CFAP77: variants seen among roughly 807,000 people sequenced by gnomAD.
The protein encoded by CFAP77 is cilia and flagella associated protein 77, also known as cilia- and flagella-associated protein 77.
Under a neutral mutation model 31.1 loss-of-function variants are expected in CFAP77, and 25 were observed. The observed-to-expected ratio is 0.80, with a 90% CI of 0.59 to 1.12. The LOEUF (loss-of-function observed/expected upper bound fraction) is 1.12. CFAP77 is among the 50% of genes most tolerant of loss of function. The probability of loss-of-function intolerance (pLI) is 0.00; values close to 1 mark genes in which losing one functional copy is unlikely to be tolerated. For missense variants in CFAP77, 377 were observed against 397.3 expected, an observed-to-expected ratio of 0.95 and a Z score of 0.44; for synonymous variants, 151 against 159.9, an observed-to-expected ratio of 0.94 and a Z score of 0.42.
intron 1 of CFAP77, among the ~76,000 whole-genome samples, chr9:132,477,031 T>C (rs1851356832): frequency 6.6e-6 from 1 of 152,134 alleles, no homozygotes; most frequent in South Asian, 2.1e-4. Flanking sequence ...CCTCCTCTGG[T>C]CTTGGGGCTG....
rs192834588 is a variant in CFAP77, at chr9:132,446,720, G to A, written c.195+36254G>A. The stretch of plus-strand genomic sequence containing the variant: ...CACACCACTGCACTCCAGCCTGGGC[G>A]ACAGAGCAAAACTCCTCCGTCTCAA... On this transcript the variant is annotated intron_variant, in intron 1 of 5. Coordinates refer to ENST00000393216, the MANE Select transcript of CFAP77 (RefSeq NM_001282957.2). Among the ~76,000 whole-genome samples the A allele has an allele frequency of 9.4e-3, 1,218 of 129,378 alleles. 7 individuals carry two copies. The highest frequency in any genetic ancestry group is 0.038 in the Middle Eastern group (7 of 184). The allele number at this position is 129,378 out of a possible 152,430, so 84.9% of individuals were successfully genotyped here.
intron 1 of CFAP77, among the ~76,000 whole-genome samples, chr9:132,416,865 G>A (rs1850110947): frequency 6.6e-6 from 1 of 151,844 alleles, no homozygotes; most frequent in African/African-American, 2.4e-5. Flanking sequence ...CCGAACTCCT[G>A]ACCTCAAGTG....
chr9:132,460,469 G>T (rs1435194027), intron 1 of CFAP77, among the ~76,000 whole-genome samples: 1 of 152,126 alleles, frequency 6.6e-6, no homozygotes, highest in Non-Finnish European at 1.5e-5. Flanking sequence ...CTACAGCATG[G>T]ACAAACCTTG....
Position 132,572,563 on chromosome 9 carries a change from G to T in CFAP77, c.*53G>T. ...ATCTTGACATAGTGGAAAATTCCCAGAAGGACTCCCTATCTTGCCCCAACC... is the reference window on the plus strand; with the variant it reads ...ATCTTGACATAGTGGAAAATTCCCATAAGGACTCCCTATCTTGCCCCAACC... On this transcript the variant is annotated 3_prime_UTR_variant, in exon 6 of 6. Transcript: ENST00000393216. 1 of 1,540,496 alleles carries T rather than the reference G, an allele frequency of 6.5e-7. No homozygotes were observed. Among genetic ancestry groups the T allele is most frequent in the Non-Finnish European group, 8.7e-7 (1 of 1,144,794 alleles).
In CFAP77 at chr9:132,542,993, G is replaced by A. The variant is rs1394921800; in HGVS notation, c.678G>A (p.Lys226=). Residue 226 remains lysine (K), a synonymous_variant, in exon 5 of 6, where the codon AAG becomes AAA. Coordinates refer to ENST00000393216, the MANE Select transcript of CFAP77 (RefSeq NM_001282957.2). ...LYETRSSQLR[K]YKPPVKLDTL... is the part of the protein sequence containing the mutation. ...AGACCCGGAGCAGTCAGCTGAGGAA[G>A]TACAAGCCGCCCGTGAAGCTGGACA... 2 of 1,614,180 alleles carry A rather than the reference G, an allele frequency of 1.2e-6. No homozygotes were observed. The highest frequency in any genetic ancestry group is 1.7e-6 in the Non-Finnish European group (2 of 1,180,030).
chr9:132,459,607 A>G (rs920937294), intron 1 of CFAP77, among the ~76,000 whole-genome samples: 4 of 149,262 alleles, frequency 2.7e-5, no homozygotes, highest in African/African-American at 1.0e-4. Flanking sequence ...ATGCCTGTAT[A>G]TGTGTGTGTA....
rs558755395 is a variant in CFAP77 at position 132,483,614 on chromosome 9, A to G, written c.196-15081A>G. ...AAAGGGGGCCACACTGTGAAATGGGATGCATCCAGTTTCATGGTTTCAGAC... is the reference window on the plus strand; with the variant it reads ...AAAGGGGGCCACACTGTGAAATGGGGTGCATCCAGTTTCATGGTTTCAGAC... On this transcript the variant is annotated intron_variant, in intron 1 of 5. Coordinates refer to ENST00000393216, the MANE Select transcript of CFAP77 (RefSeq NM_001282957.2). 1.2e-4 allele frequency among the ~76,000 whole-genome samples: 18 copies of G among 152,204 alleles called. 1 individual carries two copies. The South Asian group carries it at 3.5e-3, about 30-fold the overall frequency.
rs1375296685 is a variant in CFAP77 at position 132,554,939 on chromosome 9, C to CCCACCCATCCATCCAT, written c.732+11895_732+11896insCCCATCCATCCATCCA. Among the ~76,000 whole-genome samples the CCCACCCATCCATCCAT allele has an allele frequency of 4.1e-5, 6 of 146,686 alleles. No homozygotes were observed. The highest frequency in any genetic ancestry group is 1.3e-4 in the African/African-American group (5 of 39,446). On this transcript the variant is annotated intron_variant, in intron 5 of 5. Transcript: ENST00000393216. This position sits in a 1 kb window ranked among gnomAD's most constrained non-coding sequence, Gnocchi z 4.1. ...ATGCATGCATGCATCCATCCATCCA[C>CCCACCCATCCATCCAT]CCATCCATCCATCCATCCATCCATC... is the stretch of plus-strand genomic sequence containing the variant.
rs1850897147 is a variant in CFAP77 at position 132,455,512 on chromosome 9, AAAAC to A, written c.196-43179_196-43176del. On this transcript the variant is annotated intron_variant, in intron 1 of 5. Transcript: ENST00000393216. The surrounding 1 kb of genome is among the most constrained non-coding windows in gnomAD (Gnocchi z 4.1). ...GGCAGAGCGAGACTCCTGAAAAAAA[AAAAC>A]AAAAAAACTTCGAGACCAGCCTGGG... is the stretch of plus-strand genomic sequence containing the variant. Among the ~76,000 whole-genome samples the A allele has an allele frequency of 1.3e-5, 2 of 151,660 alleles. No individual in the cohort carries two copies. Among genetic ancestry groups the A allele is most frequent in the South Asian group, 4.2e-4 (2 of 4,796 alleles).
Position 132,481,955 on chromosome 9 carries a change from T to C in CFAP77, c.196-16740T>C, listed in dbSNP as rs1342254336. 2.6e-5 allele frequency among the ~76,000 whole-genome samples: 1 copy of C among 38,168 alleles called. No individual in the cohort carries two copies. Among genetic ancestry groups the C allele is most frequent in the African/African-American group, 1.4e-4 (1 of 7,240 alleles). The allele number at this position is 38,168 out of a possible 152,430, so 25.0% of individuals were successfully genotyped here. A position where few individuals can be genotyped will look rare whatever the true frequency, so the allele number is the denominator to read the frequency against. On this transcript the variant is annotated intron_variant, in intron 1 of 5. Transcript: ENST00000393216. This position sits in a 1 kb window ranked among gnomAD's most constrained non-coding sequence, Gnocchi z 5.0. ...GTTCTCAGGAAGGAACAAGGGTTTA[T>C]GGTTGGGGGGGGGGGGGGCGGCGGA...
intron 1 of CFAP77, among the ~76,000 whole-genome samples, chr9:132,438,519 G>GTGTA (rs1491578851): frequency 8.6e-6 from 1 of 116,708 alleles, no homozygotes; most frequent in African/African-American, 3.4e-5. Flanking sequence ...AACAGATATG[G>GTGTA]TATATATATA....
At chr9:132,460,110 T>C (rs1000122222) in intron 1 of CFAP77, among the ~76,000 whole-genome samples, 1 of 151,644 alleles carries the variant, frequency 6.6e-6, no homozygotes, top group Non-Finnish European at 1.5e-5. Flanking sequence ...AATGGAAGAG[T>C]GTTTATGGAT....
At chr9:132,506,501 T>C (rs111684025) in intron 3 of CFAP77, among the ~76,000 whole-genome samples, 3 of 151,854 alleles carry the variant, frequency 2.0e-5, no homozygotes, top group Non-Finnish European at 4.4e-5. Context: ...CCTGGTGGAC[T>C]CTGGGCACCC....
chr9:132,475,925 T>C (rs1477672953), intron 1 of CFAP77, among the ~76,000 whole-genome samples: 1 of 152,194 alleles, frequency 6.6e-6, no homozygotes, highest in African/African-American at 2.4e-5. Flanking sequence ...GAAGATAGCC[T>C]GGCACAGCCT....
intron 1 of CFAP77, among the ~76,000 whole-genome samples, chr9:132,453,391 C>T (rs998575274): frequency 2.0e-5 from 3 of 150,760 alleles, no homozygotes; most frequent in South Asian, 2.1e-4. Context: ...CTGGGCAAGA[C>T]GGCATGCGCC....
chr9:132,569,194 A>G (rs369467639), intron 5 of CFAP77, among the ~76,000 whole-genome samples: 3 of 152,200 alleles, frequency 2.0e-5, no homozygotes, highest in Admixed American at 1.3e-4. Context: ...ACTTGAGGCT[A>G]GGGGTTCCAG....
At chr9:132,425,809 A>G (rs560496019) in intron 1 of CFAP77, among the ~76,000 whole-genome samples, 12 of 152,360 alleles carry the variant, frequency 7.9e-5, no homozygotes, top group African/African-American at 2.6e-4. Flanking sequence ...TTAAACACAC[A>G]TGGAATAATT....
intron 1 of CFAP77, among the ~76,000 whole-genome samples, chr9:132,475,460 C>T (rs1305649352): frequency 6.6e-6 from 1 of 152,212 alleles, no homozygotes; most frequent in Non-Finnish European, 1.5e-5. Context: ...CACAGTCTCC[C>T]TGCTGAGGGG....
intron 5 of CFAP77, among the ~76,000 whole-genome samples, chr9:132,568,556 CAAAAAA>C (rs34754814): frequency 1.1e-5 from 1 of 90,050 alleles, no homozygotes. Flanking sequence ...AACTCCGCCT[CAAAAAA>C]AAAAAAAAAA....
Sources: gnomAD v4.1 joint callset for allele counts (sites outside exome capture counted in the v4.1 genomes callset) on GRCh38, gnomAD v4.1.1 for gene constraint, Gnocchi (gnomAD v3.1) non-coding constraint, MANE v1.5 for transcripts, NCBI Gene and HGNC (gene_info 2026-07-23, HGNC 2026-07-21) for gene names.